POP1: variants seen among roughly 807,000 people sequenced by gnomAD.
The protein encoded by POP1 is ribonucleases P/MRP protein subunit POP1.
A neutral mutation model predicts 102.2 loss-of-function variants in POP1; 75 were observed. The ratio of observed to expected loss-of-function variants is 0.73; its 90% CI spans 0.61 to 0.89. The LOEUF (loss-of-function observed/expected upper bound fraction) is 0.89, where lower values mean the gene tolerates loss of function less well. Among genes scored for constraint, POP1 ranks in the 40% least tolerant of loss-of-function variants. The pLI, the probability that POP1 is intolerant of heterozygous loss-of-function variation, is 0.00. For missense variants in POP1, 1,116 were observed against 1,267.4 expected (o/e 0.88, Z 1.81); for synonymous variants, 436 against 464.1 (o/e 0.94, Z 0.78).
Position 98,140,794 on chromosome 8 carries a change from G to A in POP1, c.1500G>A (p.Pro500=), listed in dbSNP as rs772625694. The change falls in exon 11 of 16, where the codon CCG becomes CCA. Residue 500 remains proline, a synonymous_variant. Coordinates refer to ENST00000401707, the MANE Select transcript of POP1 (RefSeq NM_001145860.2). ...LGGITSPAEI[P]AGTILGLTVG... is the part of the protein sequence containing the mutation. Reference sequence around the variant, plus strand: ...GAATAACATCACCAGCAGAAATTCCGGCAGGTACTATTCTGGGACTGACAG... The same window carrying A: ...GAATAACATCACCAGCAGAAATTCCAGCAGGTACTATTCTGGGACTGACAG... 1.1e-5 allele frequency: 17 copies of A among 1,613,910 alleles called. No individual in the cohort carries two copies. The highest frequency in any genetic ancestry group is 2.2e-5 in the East Asian group (1 of 44,874).
chr8:98,155,738 G>A (rs961834493), intron 14 of POP1, among the ~76,000 whole-genome samples: 1 of 150,244 alleles, frequency 6.7e-6, no homozygotes, highest in Non-Finnish European at 1.5e-5. Context: ...CCTCCACCAT[G>A]CCCGGCTAAT....
rs995833573 is a variant in POP1, at chr8:98,158,008, G to A, written c.2812G>A (p.Ala938Thr). The stretch of plus-strand genomic sequence containing the variant: ...TGGCCCGGCGGGGGAAGAGCCCGTG[G>A]CTGGGCAGGAAGCTCTGACTCTAGG... Reference protein sequence around the residue: ...SDGPAGEEPVAGQEALTLGLW... With the variant: ...SDGPAGEEPVTGQEALTLGLW... The change falls in exon 16 of 16, where the codon GCT (alanine) becomes ACT (threonine). Residue 938 changes from alanine to threonine, a missense_variant. By Grantham distance (58) the Ala-to-Thr change is moderately conservative. Coordinates refer to ENST00000401707, the MANE Select transcript of POP1 (RefSeq NM_001145860.2). 6.2e-7 allele frequency: 1 copy of A among 1,612,136 alleles called. No homozygotes were observed. The highest frequency in any genetic ancestry group is 1.3e-5 in the African/African-American group (1 of 74,952).
At position 98,154,334 on chromosome 8, in the gene POP1, A is replaced by G. The variant is rs370280899; in HGVS notation, c.2058-1716A>G. On this transcript the variant is annotated intron_variant, in intron 14 of 15. Transcript: ENST00000401707. ...GAGTGGGGGTGTTTGTAGGGGAGGG[A>G]CGGTGGTGTGAGCCATCTAGGCTGA... Among the ~76,000 whole-genome samples, 67 of 151,952 alleles carry G rather than the reference A, an allele frequency of 4.4e-4. 2 individuals are homozygous for G. The South Asian group carries it at 0.014, about 32-fold the overall frequency.
chr8:98,127,613 C>T lies in POP1; in HGVS notation c.161C>T (p.Ser54Leu). 1.9e-6 allele frequency: 3 copies of T among 1,614,154 alleles called. No homozygotes were observed. Among genetic ancestry groups the T allele is most frequent in the Non-Finnish European group, 2.5e-6 (3 of 1,180,034 alleles). The change falls in exon 3 of 16, where the codon TCA becomes TTA. Residue 54 changes from serine to leucine, a missense_variant. Physicochemically the swap from Ser to Leu is moderately radical, Grantham distance 145. Coordinates refer to ENST00000401707, the MANE Select transcript of POP1 (RefSeq NM_001145860.2). ...AQKQEPHPGTSRQRQTRVNPH... is the reference protein window; with the variant it reads ...AQKQEPHPGTLRQRQTRVNPH... Reference sequence around the variant, plus strand: ...ATACTAGAGCCTCATCCTGGAACTTCACGACAGCGGCAAACCAGAGTCAAC... The same window carrying T: ...ATACTAGAGCCTCATCCTGGAACTTTACGACAGCGGCAAACCAGAGTCAAC...
intron 2 of POP1, among the ~76,000 whole-genome samples, chr8:98,124,202 C>T (rs962879433): frequency 6.6e-6 from 1 of 152,166 alleles, no homozygotes; most frequent in African/African-American, 2.4e-5. Context: ...CATTTCTAGA[C>T]TTCATTTTCT....
chr8:98,128,692 T>C (rs1162581801), intron 4 of POP1, 152 bp downstream of exon 4: 3 of 900,230 alleles, frequency 3.3e-6, no homozygotes. Flanking sequence ...GCTGAGGTGG[T>C]CAGATTGCTT....
chr8:98,157,915 A>C lies in POP1; in HGVS notation c.2719A>C (p.Lys907Gln). ...ESKHSDPFRS[K>Q]ILKQKEKKKR... ...CAAACACAGTGACCCATTCAGGAGCAAGATCCTGAAACAGAAAGAGAAGAA... is the reference window on the plus strand; with the variant it reads ...CAAACACAGTGACCCATTCAGGAGCCAGATCCTGAAACAGAAAGAGAAGAA... The change falls in exon 16 of 16, where the codon AAG (lysine) becomes CAG (glutamine). Residue 907 changes from lysine (K) to glutamine (Q), a missense_variant. By Grantham distance (53) the Lys-to-Gln change is moderately conservative. Coordinates refer to ENST00000401707, the MANE Select transcript of POP1 (RefSeq NM_001145860.2). 1 of 1,614,176 alleles carries C rather than the reference A, an allele frequency of 6.2e-7. No individual in the cohort carries two copies. Among genetic ancestry groups the C allele is most frequent in the South Asian group, 1.1e-5 (1 of 91,090 alleles).
At chr8:98,140,987 A>G in intron 11 of POP1, 99 bp downstream of exon 11, 6 of 1,442,856 alleles carry the variant, frequency 4.2e-6, no homozygotes, top group African/African-American at 2.8e-5. Context: ...CAGTAACTTC[A>G]TCTGTAAAAA....
chr8:98,156,113 C>T lies in POP1; in HGVS notation c.2121C>T (p.Pro707=), dbSNP rs771712760. The T allele has an allele frequency of 6.2e-7, 1 of 1,614,144 alleles. No homozygotes were observed. Among genetic ancestry groups the T allele is most frequent in the South Asian group, 1.1e-5 (1 of 91,086 alleles). The change falls in exon 15 of 16, where the codon CCC becomes CCT. Residue 707 remains proline (P), a synonymous_variant. Transcript: ENST00000401707. The part of the protein sequence containing the change: ...KLGTLAPFCC[P]WEQLTQDWES... ...GCACTCTGGCACCTTTCTGCTGTCC[C>T]TGGGAGCAGTTAACTCAAGACTGGG...
At chr8:98,121,450 A>C (rs4734384) in intron 1 of POP1, among the ~76,000 whole-genome samples, 45,690 of 150,776 alleles carry the variant, frequency 0.3, 7,770 homozygotes, top group South Asian at 0.4. Context: ...ACAGCCTGCT[A>C]TGTGCAGAAA....
intron 15 of POP1, 102 bp from the exon 16 acceptor site, chr8:98,157,515 G>C: frequency 4.5e-6 from 6 of 1,326,734 alleles, no homozygotes; most frequent in Non-Finnish European, 6.5e-6. Flanking sequence ...TTCTTATATA[G>C]TATAAAAGAA....
chr8:98,151,606 C>A (rs1378452907), intron 14 of POP1, among the ~76,000 whole-genome samples: 2 of 151,336 alleles, frequency 1.3e-5, no homozygotes, highest in Non-Finnish European at 2.9e-5. Flanking sequence ...GTCTTAATAA[C>A]CTTTATTTGT....
At chr8:98,125,437 C>T (rs977522365) in intron 2 of POP1, among the ~76,000 whole-genome samples, 4 of 152,122 alleles carry the variant, frequency 2.6e-5, no homozygotes, top group African/African-American at 7.2e-5. Context: ...CCACCTGCTT[C>T]GGCCTCCCAA....
chr8:98,136,398 A>AT, intron 7 of POP1, 84 bp from the exon 8 acceptor site: 2 of 1,442,048 alleles, frequency 1.4e-6, no homozygotes, highest in African/African-American at 1.5e-5. Flanking sequence ...TTTTAAAGAG[A>AT]TTTAAAAAAA....
At chr8:98,135,515 C>T (rs542800967) in intron 7 of POP1, among the ~76,000 whole-genome samples, 2 of 152,190 alleles carry the variant, frequency 1.3e-5, no homozygotes, top group Non-Finnish European at 2.9e-5. Flanking sequence ...AGCATACTCA[C>T]TACTTTAAAA....
At position 98,136,555 on chromosome 8, in the gene POP1, C is replaced by G. The variant is rs1392494776; in HGVS notation, c.1085C>G (p.Pro362Arg). 5 of 1,613,808 alleles carry G rather than the reference C, an allele frequency of 3.1e-6. No homozygotes were observed. The South Asian group carries it at 4.4e-5, about 14-fold the overall frequency. The change falls in exon 8 of 16, where the codon CCA becomes CGA. Residue 362 changes from proline to arginine, a missense_variant. By Grantham distance (103) the Pro-to-Arg change is moderately radical. Transcript: ENST00000401707. The stretch of plus-strand genomic sequence containing the variant: ...AAATCAGCTGTCTGCATCGCTGACC[C>G]ACTTCCAACACCATCCCAAGAAAAA... ...PIKSAVCIAD[P>R]LPTPSQEKSQ...
chr8:98,158,295 G>T lies in POP1; in HGVS notation c.*24G>T, dbSNP rs374995416. 5 of 1,602,672 alleles carry T rather than the reference G, an allele frequency of 3.1e-6. No homozygotes were observed. In the African/African-American group the frequency reaches 5.3e-5, roughly 17 times the overall value. ...GAATGCGTGCTTGTATCCCAGCAGGGCATAGATAATACGTTATTATTGTCT... is the reference window on the plus strand; with the variant it reads ...GAATGCGTGCTTGTATCCCAGCAGGTCATAGATAATACGTTATTATTGTCT... On this transcript the variant is annotated 3_prime_UTR_variant, in exon 16 of 16. Coordinates refer to ENST00000401707, the MANE Select transcript of POP1 (RefSeq NM_001145860.2).
intron 4 of POP1, among the ~76,000 whole-genome samples, chr8:98,129,149 G>T (rs1253552248): frequency 6.6e-6 from 1 of 152,086 alleles, no homozygotes; most frequent in Non-Finnish European, 1.5e-5. Context: ...CCCTCTTACC[G>T]AGTGGTTTTG....
chr8:98,148,695 C>G (rs926064135), intron 12 of POP1, 120 bp from the exon 13 acceptor site: 1 of 853,656 alleles, frequency 1.2e-6, no homozygotes. Context: ...TTATTTAGAA[C>G]GTTTTTCTCT....
Sources: allele counts gnomAD v4.1 joint callset (sites outside exome capture counted in the v4.1 genomes callset), GRCh38; gene constraint gnomAD v4.1.1; transcripts MANE v1.5; gene names NCBI Gene and HGNC (gene_info 2026-07-23, HGNC 2026-07-21).